FOXJ3: variants seen among roughly 807,000 people sequenced by gnomAD.
The protein encoded by FOXJ3 is forkhead box J3.
In FOXJ3, 22 loss-of-function variants were observed where a neutral mutation model predicts 76.1. That is an observed-to-expected ratio of 0.29 (90% CI 0.21 to 0.41). FOXJ3 has a LOEUF of 0.41. FOXJ3 is among the 10% of genes least tolerant of loss of function. The pLI is 1.00. For synonymous variants in FOXJ3, 269 were observed against 261.2 expected (o/e 1.03, Z -0.29); for missense variants, 613 against 762.1 (o/e 0.80, Z 2.30).
chr1:42,309,473 A>T (rs1420453982), intron 2 of FOXJ3, among the ~76,000 whole-genome samples: 1 of 152,040 alleles, frequency 6.6e-6, no homozygotes, highest in African/African-American at 2.4e-5. Context: ...AATAACACAT[A>T]CTCCTATTAT....
intron 5 of FOXJ3, among the ~76,000 whole-genome samples, chr1:42,224,176 A>C (rs1417569991): frequency 6.6e-6 from 1 of 152,226 alleles, no homozygotes. Flanking sequence ...AAGAAATATG[A>C]GATTCCTACT....
chr1:42,326,177 G>C (rs1173018496), intron 1 of FOXJ3, among the ~76,000 whole-genome samples: 2 of 152,132 alleles, frequency 1.3e-5, no homozygotes, highest in African/African-American at 2.4e-5. Context: ...CTTGAACCCA[G>C]GAGGTTGAGG....
At chr1:42,198,514 G>C (rs1335561268) in intron 7 of FOXJ3, among the ~76,000 whole-genome samples, 2 of 152,160 alleles carry the variant, frequency 1.3e-5, no homozygotes, top group Admixed American at 1.3e-4. Context: ...AAGACCAGTT[G>C]CCAGGTAGTT....
At chr1:42,232,068 G>A (rs531564004) in intron 4 of FOXJ3, among the ~76,000 whole-genome samples, 73 of 152,212 alleles carry the variant, frequency 4.8e-4, no homozygotes, top group African/African-American at 1.6e-3. Flanking sequence ...TTGTCCTTGC[G>A]ATAGTTTGCT....
chr1:42,256,502 T>C (rs1238313265), intron 4 of FOXJ3, among the ~76,000 whole-genome samples: 1 of 147,934 alleles, frequency 6.8e-6, no homozygotes, highest in Non-Finnish European at 1.5e-5. Flanking sequence ...ATCAGGAAAA[T>C]TCAAATCAAA....
chr1:42,294,388 C>G (rs1653642060), intron 2 of FOXJ3, among the ~76,000 whole-genome samples: 1 of 152,180 alleles, frequency 6.6e-6, no homozygotes, highest in Admixed American at 6.5e-5. Flanking sequence ...CTGATTCAAG[C>G]TGTTTACCTA....
chr1:42,200,523 G>A (rs1646743173), intron 6 of FOXJ3, among the ~76,000 whole-genome samples: 1 of 152,100 alleles, frequency 6.6e-6, no homozygotes, highest in Non-Finnish European at 1.5e-5. Context: ...TTGTCGCCTA[G>A]GCTGGAGTGC....
At chr1:42,233,596 G>A (rs1648336770) in intron 4 of FOXJ3, among the ~76,000 whole-genome samples, 1 of 67,076 alleles carries the variant, frequency 1.5e-5, no homozygotes, top group Non-Finnish European at 3.4e-5. Context: ...CTCTATGTTT[G>A]TCTGTTATTG....
At chr1:42,276,253 G>A (rs1652250128) in intron 3 of FOXJ3, among the ~76,000 whole-genome samples, 1 of 152,058 alleles carries the variant, frequency 6.6e-6, no homozygotes. Flanking sequence ...CTACTCGAGA[G>A]GCTGAGGCGG....
intron 3 of FOXJ3, among the ~76,000 whole-genome samples, chr1:42,267,461 C>T (rs1440216918): frequency 6.6e-6 from 1 of 152,092 alleles, no homozygotes; most frequent in Non-Finnish European, 1.5e-5. Flanking sequence ...CAGACTCAAT[C>T]CCCACAAGAA....
In FOXJ3 at chr1:42,216,350, CTACTAAAAA is replaced by C. The variant is rs1478122310; in HGVS notation, c.529-10496_529-10488del. On this transcript the variant is annotated intron_variant, in intron 5 of 12. Transcript: ENST00000361346. ...TGGCTAACACGGTGAAACCCCGTCT[CTACTAAAAA>C]TACAAAAAATTAGCCGGGCGTGGTA... Among the ~76,000 whole-genome samples the C allele has an allele frequency of 7.9e-5, 12 of 151,872 alleles. No homozygotes were observed. In the East Asian group the frequency reaches 2.1e-3, roughly 27 times the overall value.
chr1:42,189,475 G>A, intron 9 of FOXJ3, 71 bp from the exon 10 acceptor site: 1 of 1,066,610 alleles, frequency 9.4e-7, no homozygotes, highest in Non-Finnish European at 1.4e-6. Context: ...AAAACGATGA[G>A]CTGCCCTTAT....
At chr1:42,246,453 G>C (rs1253933267) in intron 4 of FOXJ3, among the ~76,000 whole-genome samples, 1 of 151,956 alleles carries the variant, frequency 6.6e-6, no homozygotes, top group Admixed American at 6.5e-5. Context: ...TAATCATTAA[G>C]GAAATGCAAA....
At chr1:42,220,546 T>C (rs1647161764) in intron 5 of FOXJ3, among the ~76,000 whole-genome samples, 1 of 152,126 alleles carries the variant, frequency 6.6e-6, no homozygotes, top group African/African-American at 2.4e-5. Context: ...GAGGGCTTTT[T>C]TTCTGATTGG....
At chr1:42,196,676 G>T (rs561683813) in intron 7 of FOXJ3, among the ~76,000 whole-genome samples, 3 of 152,306 alleles carry the variant, frequency 2.0e-5, no homozygotes, top group South Asian at 2.1e-4. Flanking sequence ...CTGGGCGACA[G>T]AGAGAGACTC....
In FOXJ3 at chr1:42,182,044, A is replaced by G. The variant is rs952870847; in HGVS notation, c.1646-20T>C. ...AATTTCCTAATCAGATTAAAAGCAG[A>G]AAGAGGGAAAACATGTTACCACAAA... On this transcript the variant is annotated intron_variant, in intron 11 of 12. Transcript: ENST00000361346. 7.2e-7 allele frequency: 1 copy of G among 1,388,812 alleles called. No homozygotes were observed. The highest frequency in any genetic ancestry group is 1.4e-5 in the African/African-American group (1 of 70,224). The allele number at this position is 1,388,812 out of a possible 1,614,324, so 86.0% of individuals were successfully genotyped here. A position where few individuals can be genotyped will look rare whatever the true frequency, so the allele number is the denominator to read the frequency against.
At chr1:42,231,668 GCCGTTTC>G (rs770480934) in intron 4 of FOXJ3, among the ~76,000 whole-genome samples, 119 of 152,210 alleles carry the variant, frequency 7.8e-4, no homozygotes, top group Admixed American at 3.1e-3. Flanking sequence ...GTACCTCTCA[GCCGTTTC>G]TATTTTTATT....
At chr1:42,311,650 A>AAGTAGTAGTAGTAGTAGTAGT (rs142219815) in intron 1 of FOXJ3, among the ~76,000 whole-genome samples, 19,294 of 149,364 alleles carry the variant, frequency 0.13, 1,437 homozygotes, top group Admixed American at 0.2. Flanking sequence ...TTTAAAAAAA[A>AAGTAGTAGTAGTAGTAGTAGT]AGTAGTAGTA....
chr1:42,333,418 A>T (rs1656275521), intron 1 of FOXJ3, among the ~76,000 whole-genome samples: 1 of 152,168 alleles, frequency 6.6e-6, no homozygotes, highest in East Asian at 1.9e-4. Flanking sequence ...TCCAAAAAAA[A>T]TCTAATGAAA....
Sources: allele counts gnomAD v4.1 joint callset (sites outside exome capture counted in the v4.1 genomes callset), GRCh38; gene constraint gnomAD v4.1.1; transcripts MANE v1.5; gene names NCBI Gene and HGNC (gene_info 2026-07-23, HGNC 2026-07-21).